Variants in DDX54 observed in about 807,000 individuals in gnomAD.
The protein encoded by DDX54 is ATP-dependent RNA helicase DDX54.
In DDX54, 67 loss-of-function variants were observed where a neutral mutation model predicts 105.5. That is an observed-to-expected ratio of 0.64 (90% confidence interval 0.52 to 0.78). The LOEUF (loss-of-function observed/expected upper bound fraction) is 0.78, where lower values mean the gene tolerates loss of function less well. DDX54 is among the 30% of genes least tolerant of loss of function. DDX54 has a pLI of 0.00. For synonymous variants in DDX54, 514 were observed against 509.9 expected (o/e 1.01, Z -0.11); for missense variants, 1,206 against 1,230.5 (o/e 0.98, Z 0.30).
Position 113,185,462 on chromosome 12 carries a change from C to G in DDX54, c.-11G>C. ...CTTGTCGGCCGCCATTCGGGCCGCG[C>G]GCTGGGAACGCAGAAGGGGGCGTGG... On this transcript the variant is annotated 5_prime_UTR_variant, in exon 1 of 20. Transcript: ENST00000306014. 6.7e-7 allele frequency: 1 copy of G among 1,487,950 alleles called. No individual in the cohort carries two copies. Among genetic ancestry groups the G allele is most frequent in the Non-Finnish European group, 8.9e-7 (1 of 1,122,730 alleles). The allele number at this position is 1,487,950 out of a possible 1,614,324, so 92.2% of individuals were successfully genotyped here.
At chr12:113,169,342 G>A (rs1272192132) in intron 12 of DDX54, among the ~76,000 whole-genome samples, 1 of 151,986 alleles carries the variant, frequency 6.6e-6, no homozygotes, top group Admixed American at 6.6e-5. Context: ...GAAGGAATCA[G>A]CCGGGCGCAG....
At chr12:113,172,589 A>G in intron 10 of DDX54, 26 bp from the exon 11 acceptor site, 1 of 1,610,652 alleles carries the variant, frequency 6.2e-7, no homozygotes, top group Non-Finnish European at 8.5e-7. Flanking sequence ...ATGGTAGCAA[A>G]GTGAGAAGGA....
At chr12:113,174,242 C>T (rs554194574) in intron 10 of DDX54, among the ~76,000 whole-genome samples, 2 of 151,684 alleles carry the variant, frequency 1.3e-5, no homozygotes, top group African/African-American at 4.8e-5. Flanking sequence ...CTATGGGAGG[C>T]CAAGGTGGGA....
At chr12:113,173,489 C>G (rs1006927632) in intron 10 of DDX54, among the ~76,000 whole-genome samples, 1 of 152,172 alleles carries the variant, frequency 6.6e-6, no homozygotes, top group Non-Finnish European at 1.5e-5. Context: ...ATAACAGACC[C>G]AGGTGTAGCT....
chr12:113,165,669 C>T lies in DDX54; in HGVS notation c.1694G>A (p.Ser565Asn). ...CGCCCGGGAGCGGTAGTTCTTTATGCTGTCCACCAGCCTCAGCCGCTGCAG... is the reference window on the plus strand; with the variant it reads ...CGCCCGGGAGCGGTAGTTCTTTATGTTGTCCACCAGCCTCAGCCGCTGCAG... ...EELQRLRLVD[S>N]IKNYRSRATI... The change falls in exon 14 of 20, where the codon AGC becomes AAC. Residue 565 changes from serine to asparagine, a missense_variant. Physicochemically the swap from Ser to Asn is conservative, Grantham distance 46. Transcript: ENST00000306014. The T allele has an allele frequency of 2.5e-6, 4 of 1,613,022 alleles. No homozygotes were observed. Among genetic ancestry groups the T allele is most frequent in the Non-Finnish European group, 2.5e-6 (3 of 1,179,454 alleles).
chr12:113,173,124 G>C (rs1221735075), intron 10 of DDX54, among the ~76,000 whole-genome samples: 1 of 152,120 alleles, frequency 6.6e-6, no homozygotes, highest in Non-Finnish European at 1.5e-5. Context: ...AAAATCACTT[G>C]AGACCAGAAA....
In DDX54 at chr12:113,161,916, G is replaced by C. The variant is rs1952213257; in HGVS notation, c.2277C>G (p.Ile759Met). 1.2e-6 allele frequency: 2 copies of C among 1,612,374 alleles called. No homozygotes were observed. The highest frequency in any genetic ancestry group is 1.7e-6 in the Non-Finnish European group (2 of 1,179,724). Residue 759 changes from isoleucine to methionine, a missense_variant, in exon 18 of 20, where the codon ATC (isoleucine) becomes ATG (methionine). Physicochemically the swap from Ile to Met is conservative, Grantham distance 10 (BLOSUM62 1). Around this residue, in one of 3 missense-constraint regions of DDX54, gnomAD observed 961 missense variants for 1,019.1 expected, o/e 0.94. Transcript: ENST00000306014. ...ACAGGTCTCGCTTGTAGGAGCTGCT[G>C]ATGTAGCGGCCGCTCTCTGTCTTAA... Reference protein sequence around the residue: ...KKIKTESGRYISSSYKRDLYQ... With the variant: ...KKIKTESGRYMSSSYKRDLYQ...
At chr12:113,159,351 G>T in intron 19 of DDX54, 5 of 506,018 alleles carry the variant, frequency 9.9e-6, no homozygotes, top group Non-Finnish European at 6.9e-6. Context: ...CCGTGGGCAA[G>T]AAGTTAACGG....
intron 1 of DDX54, among the ~76,000 whole-genome samples, chr12:113,181,366 C>T (rs954290263): frequency 2.6e-5 from 4 of 151,896 alleles, no homozygotes; most frequent in Non-Finnish European, 5.9e-5. Flanking sequence ...AGGCATGGCT[C>T]ACTGCAGCCT....
Position 113,176,492 on chromosome 12 carries a change from G to A in DDX54, c.752+348C>T, listed in dbSNP as rs140214595. Reference sequence around the variant, plus strand: ...TAAGGCAGGAGAATCACTAGAACCCGGAAGGCGGAGGTTGAAATGAGCCAA... The same window carrying A: ...TAAGGCAGGAGAATCACTAGAACCCAGAAGGCGGAGGTTGAAATGAGCCAA... On this transcript the variant is annotated intron_variant, in intron 7 of 19. Transcript: ENST00000306014. Among the ~76,000 whole-genome samples, 54 of 152,230 alleles carry A rather than the reference G, an allele frequency of 3.5e-4. No homozygotes were observed. The East Asian group carries it at 9.1e-3, about 26-fold the overall frequency.
intron 4 of DDX54, 55 bp from the exon 5 acceptor site, chr12:113,179,081 G>C: frequency 6.2e-7 from 1 of 1,613,370 alleles, no homozygotes; most frequent in Non-Finnish European, 8.5e-7. Context: ...GCACACTCGT[G>C]GCCTCTGTGT....
At chr12:113,172,733 G>A (rs1263622124) in intron 10 of DDX54, among the ~76,000 whole-genome samples, 170 bp from the exon 11 acceptor site, 1 of 152,204 alleles carries the variant, frequency 6.6e-6, no homozygotes, top group Non-Finnish European at 1.5e-5. Context: ...CCAGTTTGGG[G>A]AGGAATGGAG....
At chr12:113,177,465 C>T in intron 5 of DDX54, 1 of 224,470 alleles carries the variant, frequency 4.5e-6, no homozygotes, top group Non-Finnish European at 8.8e-6. Context: ...CTATCAGCTC[C>T]CGTCCTTAAA....
chr12:113,184,945 A>G (rs1952509678), intron 1 of DDX54, among the ~76,000 whole-genome samples: 1 of 152,188 alleles, frequency 6.6e-6, no homozygotes, highest in African/African-American at 2.4e-5. Flanking sequence ...TCAAAGTCAG[A>G]TCTTCTGCAC....
intron 18 of DDX54, 55 bp downstream of exon 18, chr12:113,161,838 G>T: frequency 1.8e-6 from 2 of 1,124,130 alleles, no homozygotes; most frequent in Non-Finnish European, 2.5e-6. Context: ...AATTGAAGCT[G>T]CTCCTGCTGA....
Position 113,185,468 on chromosome 12 carries a change from G to C in DDX54, c.-17C>G, listed in dbSNP as rs908144887. The C allele has an allele frequency of 6.7e-6, 10 of 1,491,456 alleles. No homozygotes were observed. In the African/African-American group the frequency reaches 1.5e-4, roughly 22 times the overall value. 92.4% of individuals were successfully genotyped at this position (1,491,456 alleles called of 1,614,324 possible). On this transcript the variant is annotated 5_prime_UTR_variant, in exon 1 of 20. Coordinates refer to ENST00000306014, the MANE Select transcript of DDX54 (RefSeq NM_024072.4). ...GGCCGCCATTCGGGCCGCGCGCTGG[G>C]AACGCAGAAGGGGGCGTGGCCTGAG...
chr12:113,162,575 G>C (rs1952220516), intron 17 of DDX54: 1 of 320,368 alleles, frequency 3.1e-6, no homozygotes, highest in Admixed American at 5.0e-5. Context: ...CTGGCATGGA[G>C]GGCAGCTCAC....
chr12:113,177,318 A>T (rs1029908318), intron 5 of DDX54: 6 of 543,078 alleles, frequency 1.1e-5, no homozygotes, highest in Non-Finnish European at 2.0e-5. Context: ...TCCTCTGAAG[A>T]GATGGGCTCA....
intron 12 of DDX54, among the ~76,000 whole-genome samples, chr12:113,168,377 G>T (rs926900948): frequency 6.6e-6 from 1 of 152,180 alleles, no homozygotes; most frequent in South Asian, 2.1e-4. Context: ...TTGGGCCTCT[G>T]GGGGGGCCTG....
Sources: gnomAD v4.1 joint callset for allele counts (sites outside exome capture counted in the v4.1 genomes callset) on GRCh38, gnomAD v4.1.1 for gene constraint, gnomAD v4.1.1 regional missense constraint, MANE v1.5 for transcripts, NCBI Gene and HGNC (gene_info 2026-07-23, HGNC 2026-07-21) for gene names.